The following NF1 variants were observed in gnomAD, a reference collection of about 807,000 sequenced individuals.
NF1 encodes the protein neurofibromin 1.
NF1 carries 122 observed loss-of-function variants against 325.7 expected under a neutral mutation model. The observed-to-expected ratio is 0.37, with a 90% confidence interval of 0.32 to 0.44. NF1 has a LOEUF of 0.44. NF1 is among the 20% of genes least tolerant of loss of function. NF1 has a pLI of 1.00. For missense variants in NF1, 2,140 were observed against 3,415.4 expected (o/e 0.63, Z 9.31); for synonymous variants, 1,091 against 1,186.0 (o/e 0.92, Z 1.65).
intron 8 of NF1, among the ~76,000 whole-genome samples, chr17:31,193,101 G>A (rs2066375741): frequency 6.6e-6 from 1 of 152,168 alleles, no homozygotes; most frequent in Non-Finnish European, 1.5e-5. Context: ...TAGACAGATA[G>A]GTATATAGTT....
intron 30 of NF1, chr17:31,251,719 A>G (rs931497593): frequency 2.5e-5 from 5 of 200,750 alleles, no homozygotes; most frequent in African/African-American, 1.1e-4. Context: ...TTACTAATAC[A>G]TTTGTATATA....
At chr17:31,151,645 T>G (rs1916951487) in intron 1 of NF1, among the ~76,000 whole-genome samples, 2 of 152,196 alleles carry the variant, frequency 1.3e-5, no homozygotes, top group Admixed American at 1.3e-4. Flanking sequence ...CTGTGTACTT[T>G]AAATCATCCC....
intron 8 of NF1, 101 bp downstream of exon 8, chr17:31,182,766 C>G: frequency 8.8e-7 from 1 of 1,140,630 alleles, no homozygotes; most frequent in South Asian, 1.3e-5. Flanking sequence ...CAAAGTATTT[C>G]AGGGAACCAT....
chr17:31,209,100 C>G (rs1215515715), intron 12 of NF1, among the ~76,000 whole-genome samples: 1 of 152,172 alleles, frequency 6.6e-6, no homozygotes, highest in African/African-American at 2.4e-5. Context: ...CCTCTACCCA[C>G]TAGATGCCAA....
At chr17:31,262,119 G>A (rs1210841591) in intron 35 of NF1, among the ~76,000 whole-genome samples, 1 of 152,032 alleles carries the variant, frequency 6.6e-6, no homozygotes, top group Non-Finnish European at 1.5e-5. Context: ...ATACTTACCA[G>A]GGAGTGAAGA....
In NF1 at chr17:31,229,400, C is replaced by T. The variant is rs2151429667; in HGVS notation, c.2785C>T (p.Leu929=). 1 of 1,613,908 alleles carries T rather than the reference C, an allele frequency of 6.2e-7. No homozygotes were observed. The highest frequency in any genetic ancestry group is 8.5e-7 in the Non-Finnish European group (1 of 1,179,820). The change falls in exon 21 of 58, where the codon CTG becomes TTG. Residue 929 remains leucine (L), a synonymous_variant. Transcript: ENST00000358273. Reference sequence around the variant, plus strand: ...GGTGGGTCTAGAATTGAGTCCTGCTCTGTATCCAATGCTATTTAACAAATT... The same window carrying T: ...GGTGGGTCTAGAATTGAGTCCTGCTTTGTATCCAATGCTATTTAACAAATT... ...DLVGLELSPA[L]YPMLFNKLKN...
At chr17:31,242,529 A>C (rs1489358138) in intron 29 of NF1, among the ~76,000 whole-genome samples, 3 of 151,930 alleles carry the variant, frequency 2.0e-5, no homozygotes, top group Non-Finnish European at 4.4e-5. Flanking sequence ...GGCTGCCTTC[A>C]AGCTTGCTAA....
rs1384423529 is a variant in NF1, at chr17:31,163,371, T to C, written c.474T>C (p.Ser158=). 6.2e-7 allele frequency: 1 copy of C among 1,614,062 alleles called. No homozygotes were observed. Among genetic ancestry groups the C allele is most frequent in the South Asian group, 1.1e-5 (1 of 91,082 alleles). Residue 158 remains serine, a synonymous_variant, in exon 4 of 58, where the codon TCT becomes TCC. Coordinates refer to ENST00000358273, the MANE Select transcript of NF1 (RefSeq NM_001042492.3). The part of the protein sequence containing the change: ...NNFNAVFSRI[S]TRLQELTVCS... ...TCAATGCAGTCTTTAGTCGCATTTC[T>C]ACCAGGTTAGTGTGTAAATCCACAT...
chr17:31,356,195 T>A lies in NF1; in HGVS notation c.7616-265T>A, dbSNP rs141106330. The A allele has an allele frequency of 9.2e-4, 349 of 378,948 alleles. 3 individuals are homozygous for A. Among genetic ancestry groups the A allele is most frequent in the African/African-American group, 6.5e-3 (318 of 48,726 alleles). 23.5% of individuals were successfully genotyped at this position (378,948 alleles called of 1,614,324 possible). On this transcript the variant is annotated intron_variant, in intron 51 of 57. Coordinates refer to ENST00000358273, the MANE Select transcript of NF1 (RefSeq NM_001042492.3). ...TTGATTTACCTCCAGTGTAGTTTGG[T>A]TTACCTCCAGTGTACAGAATACAAT...
intron 57 of NF1, among the ~76,000 whole-genome samples, chr17:31,363,303 A>T (rs1390452798): frequency 6.6e-6 from 1 of 152,198 alleles, no homozygotes; most frequent in Non-Finnish European, 1.5e-5. Context: ...CCCAATTTAT[A>T]TGCCCAATCA....
chr17:31,166,459 C>A (rs995394923), intron 4 of NF1, among the ~76,000 whole-genome samples: 11 of 152,040 alleles, frequency 7.2e-5, no homozygotes, highest in Admixed American at 7.2e-4. Context: ...ATCCTTGTAG[C>A]CTTGGGCTGA....
At position 31,337,501 on chromosome 17, in the gene NF1, C is replaced by G; in HGVS notation, c.6561C>G (p.Phe2187Leu). 1 of 1,614,134 alleles carries G rather than the reference C, an allele frequency of 6.2e-7. No individual in the cohort carries two copies. Among genetic ancestry groups the G allele is most frequent in the Non-Finnish European group, 8.5e-7 (1 of 1,180,010 alleles). ...AFRSSYRDRS[F>L]SPGSYERETF... ...GTTCCAGTTACCGGGACAGGTCATT[C>G]TCTCCTGGCTCCTATGAGAGAGAGA... The change falls in exon 43 of 58, where the codon TTC (phenylalanine) becomes TTG (leucine). Residue 2187 changes from phenylalanine to leucine, a missense_variant. Physicochemically the swap from Phe to Leu is conservative, Grantham distance 22. Transcript: ENST00000358273.
chr17:31,232,257 A>C, intron 25 of NF1, 68 bp downstream of exon 25: 1 of 957,304 alleles, frequency 1.0e-6, no homozygotes, highest in Non-Finnish European at 1.7e-6. Context: ...CAAAAAAAGC[A>C]AAGAAATAAT....
intron 54 of NF1, 60 bp from the exon 55 acceptor site, chr17:31,358,420 A>C: frequency 6.6e-7 from 1 of 1,509,710 alleles, no homozygotes; most frequent in Non-Finnish European, 9.1e-7. Flanking sequence ...GTTTTCCACT[A>C]CATATTTTCA....
chr17:31,335,808 A>C (rs1953346970), intron 40 of NF1, among the ~76,000 whole-genome samples: 1 of 148,644 alleles, frequency 6.7e-6, no homozygotes, highest in Non-Finnish European at 1.5e-5. Context: ...CCTCCCAAGT[A>C]GCTGGGCCTA....
intron 29 of NF1, among the ~76,000 whole-genome samples, chr17:31,240,941 G>A: frequency 6.6e-6 from 1 of 152,128 alleles, no homozygotes; most frequent in East Asian, 1.9e-4. Flanking sequence ...GTAGTGGCGT[G>A]ATCTTGGCTC....
intron 38 of NF1, among the ~76,000 whole-genome samples, chr17:31,329,382 G>GAAAAAAAA (rs1344059944): frequency 3.8e-4 from 58 of 152,228 alleles, no homozygotes; most frequent in African/African-American, 1.3e-3. Flanking sequence ...GCTTTTTGCT[G>GAAAAAAAA]AAGCATGTCA....
chr17:31,150,329 T>C (rs1175745419), intron 1 of NF1, among the ~76,000 whole-genome samples: 1 of 152,154 alleles, frequency 6.6e-6, no homozygotes, highest in Non-Finnish European at 1.5e-5. Flanking sequence ...CAGAACCATA[T>C]AGTGAGTGGG....
intron 38 of NF1, among the ~76,000 whole-genome samples, chr17:31,329,670 A>G (rs1416063622): frequency 6.6e-6 from 1 of 152,116 alleles, no homozygotes. Flanking sequence ...GTTTTTTTCC[A>G]TATTGGTGGT....
Sources: allele counts gnomAD v4.1 joint callset (sites outside exome capture counted in the v4.1 genomes callset), GRCh38; gene constraint gnomAD v4.1.1; transcripts MANE v1.5; gene names NCBI Gene and HGNC (gene_info 2026-07-23, HGNC 2026-07-21).